The following PCLO variants were observed in gnomAD, a reference collection of about 807,000 sequenced individuals.
PCLO encodes protein piccolo.
Under a neutral mutation model 427.5 loss-of-function variants are expected in PCLO, and 82 were observed. That is an observed-to-expected ratio of 0.19 (90% CI 0.16 to 0.23). The LOEUF is 0.23. Ranked by LOEUF, PCLO falls within the 10% of genes least tolerant of loss-of-function variation. PCLO has a pLI of 1.00. For missense variants in PCLO, 6,239 were observed against 6,115.9 expected (o/e 1.02, Z -0.67); for synonymous variants, 2,357 against 2,155.4 (o/e 1.09, Z -2.59).
intron 12 of PCLO, among the ~76,000 whole-genome samples, 184 bp from the exon 13 acceptor site, chr7:82,845,669 A>G (rs1349106461): frequency 6.6e-6 from 1 of 152,184 alleles, no homozygotes; most frequent in Non-Finnish European, 1.5e-5. Flanking sequence ...CAAGGCTCTG[A>G]GAAGAGTGAC....
intron 10 of PCLO, among the ~76,000 whole-genome samples, chr7:82,861,179 A>G (rs1013756733): frequency 2.0e-5 from 3 of 152,064 alleles, no homozygotes; most frequent in Non-Finnish European, 1.5e-5. Flanking sequence ...GGGTGAATAA[A>G]CAAGACCCAT....
At chr7:83,057,308 TTATATATACATATATATATATA>T (rs1182417682) in intron 3 of PCLO, among the ~76,000 whole-genome samples, 16 of 85,654 alleles carry the variant, frequency 1.9e-4, no homozygotes, top group Non-Finnish European at 1.7e-4. Flanking sequence ...AAAATAATCA[TTATATATACATATATATATATA>T]TATATATATA....
At chr7:82,976,156 C>T (rs1340843864) in intron 3 of PCLO, among the ~76,000 whole-genome samples, 1 of 152,084 alleles carries the variant, frequency 6.6e-6, no homozygotes, top group Non-Finnish European at 1.5e-5. Flanking sequence ...TTAAAGGTTA[C>T]CCATGTTGTC....
intron 10 of PCLO, among the ~76,000 whole-genome samples, chr7:82,855,553 T>C (rs1792781098): frequency 6.6e-6 from 1 of 152,198 alleles, no homozygotes; most frequent in South Asian, 2.1e-4. Flanking sequence ...ATTTTATTAA[T>C]TGCCTACATG....
At position 82,805,776 on chromosome 7, in the gene PCLO, C is replaced by A; in HGVS notation, c.14845G>T (p.Gly4949Cys). 6.2e-7 allele frequency: 1 copy of A among 1,610,280 alleles called. No homozygotes were observed. The highest frequency in any genetic ancestry group is 8.5e-7 in the Non-Finnish European group (1 of 1,178,224). ...AESSVSTGSS[G>C]SSFGSGYSVD... Reference sequence around the variant, plus strand: ...CTATACCCACTGCCAAAGCTGCTGCCCGAGGAGCCGGTGGACACAGAGCTT... The same window carrying A: ...CTATACCCACTGCCAAAGCTGCTGCACGAGGAGCCGGTGGACACAGAGCTT... Residue 4949 changes from glycine (G) to cysteine (C), a missense_variant, in exon 21 of 25, where the codon GGC becomes TGC. Around this residue, in one of 5 missense-constraint regions of PCLO, gnomAD observed 877 missense variants for 925.5 expected, o/e 0.95. Coordinates refer to ENST00000333891, the MANE Select transcript of PCLO (RefSeq NM_033026.6).
chr7:83,079,541 T>A lies in PCLO; in HGVS notation c.3300+54709A>T, dbSNP rs181715560. 1.1e-4 allele frequency among the ~76,000 whole-genome samples: 16 copies of A among 152,216 alleles called. No individual in the cohort carries two copies. The East Asian group carries it at 2.9e-3, about 28-fold the overall frequency. ...AATTTTTCTAAATATTTTGTTTGAA[T>A]ATAAAATAGCTAACTGGTTTCTGGA... On this transcript the variant is annotated intron_variant, in intron 3 of 24. Coordinates refer to ENST00000333891, the MANE Select transcript of PCLO (RefSeq NM_033026.6).
At chr7:82,837,364 AC>A (rs1207770333) in intron 15 of PCLO, among the ~76,000 whole-genome samples, 1 of 152,034 alleles carries the variant, frequency 6.6e-6, no homozygotes, top group African/African-American at 2.4e-5. Context: ...ATATCACTCC[AC>A]AAATTAAAAT....
chr7:82,950,132 T>G lies in PCLO; in HGVS notation c.10456A>C (p.Thr3486Pro). 1.2e-6 allele frequency: 2 copies of G among 1,610,192 alleles called. No homozygotes were observed. Among genetic ancestry groups the G allele is most frequent in the Non-Finnish European group, 8.5e-7 (1 of 1,179,258 alleles). Reference protein sequence around the residue: ...DEDQDEWDMPTRSRRKARVGK... With the variant: ...DEDQDEWDMPPRSRRKARVGK... The stretch of plus-strand genomic sequence containing the variant: ...ACACGAGCTTTCCTCCTTGATCTAG[T>G]AGGCATATCCCACTCATCCTGATCT... The change falls in exon 6 of 25, where the codon ACT (threonine) becomes CCT (proline). Residue 3486 changes from threonine to proline, a missense_variant. By Grantham distance (38) the Thr-to-Pro change is conservative. Coordinates refer to ENST00000333891, the MANE Select transcript of PCLO (RefSeq NM_033026.6).
At chr7:82,774,986 C>A (rs576367775) in intron 22 of PCLO, among the ~76,000 whole-genome samples, 10 of 152,178 alleles carry the variant, frequency 6.6e-5, no homozygotes, top group Admixed American at 5.9e-4. Context: ...ATAGTTGAAA[C>A]GAAGTAGATA....
intron 3 of PCLO, among the ~76,000 whole-genome samples, chr7:82,978,837 C>A (rs1216928361): frequency 4.7e-5 from 5 of 107,464 alleles, no homozygotes; most frequent in Admixed American, 2.1e-4. Context: ...GAACAAGAAA[C>A]ACACACACAC....
chr7:83,102,419 AT>A, intron 3 of PCLO, among the ~76,000 whole-genome samples: 1 of 152,112 alleles, frequency 6.6e-6, no homozygotes, highest in Non-Finnish European at 1.5e-5. Context: ...TTGAATGGTT[AT>A]TATATTTCAT....
chr7:82,966,526 TA>T (rs1795779418), intron 3 of PCLO, 39 bp from the exon 4 acceptor site: 1 of 1,240,894 alleles, frequency 8.1e-7, no homozygotes, highest in African/African-American at 1.5e-5. Context: ...TTGAATGTAT[TA>T]TAATGTATCT....
chr7:83,028,978 A>C (rs1352059348), intron 3 of PCLO, among the ~76,000 whole-genome samples: 1 of 152,130 alleles, frequency 6.6e-6, no homozygotes, highest in Non-Finnish European at 1.5e-5. Flanking sequence ...TAAAGACTTA[A>C]ACGTCAGACC....
chr7:82,824,105 C>G, intron 19 of PCLO, 131 bp downstream of exon 19: 2 of 605,598 alleles, frequency 3.3e-6, no homozygotes, highest in East Asian at 5.6e-5. Context: ...CTTTGCATGA[C>G]ATTATATTAA....
Position 82,951,454 on chromosome 7 carries a change from G to C in PCLO, c.9134C>G (p.Pro3045Arg). ...AATGACTTGTCGTGTTTCTGGATATGGACCTGTAGTCTTGCTTGAATAATC... is the reference window on the plus strand; with the variant it reads ...AATGACTTGTCGTGTTTCTGGATATCGACCTGTAGTCTTGCTTGAATAATC... ...VMDYSSKTTG[P>R]YPETRQVISG... Residue 3045 changes from proline to arginine, a missense_variant, in exon 6 of 25, where the codon CCA becomes CGA. Physicochemically the swap from Pro to Arg is moderately radical, Grantham distance 103. This residue lies in a region of PCLO where 4,677 missense variants were observed against 4,468.4 expected (regional missense o/e 1.05). Coordinates refer to ENST00000333891, the MANE Select transcript of PCLO (RefSeq NM_033026.6). 6.3e-7 allele frequency: 1 copy of C among 1,583,714 alleles called. No individual in the cohort carries two copies. The highest frequency in any genetic ancestry group is 8.6e-7 in the Non-Finnish European group (1 of 1,163,552).
At chr7:83,094,210 C>CTTTT (rs767490139) in intron 3 of PCLO, among the ~76,000 whole-genome samples, 4,028 of 125,834 alleles carry the variant, frequency 0.032, 234 homozygotes, top group African/African-American at 0.068. Context: ...ATTTTTTTTT[C>CTTTT]TTTTTTTTTT....
intron 3 of PCLO, among the ~76,000 whole-genome samples, chr7:82,998,307 T>A (rs1213528583): frequency 3.3e-5 from 5 of 151,958 alleles, no homozygotes; most frequent in Admixed American, 2.6e-4. Context: ...AACCCTCTCA[T>A]GCTTCAGGCA....
At chr7:83,133,930 G>A (rs1262436452) in intron 3 of PCLO, among the ~76,000 whole-genome samples, 1 of 151,702 alleles carries the variant, frequency 6.6e-6, no homozygotes, top group Non-Finnish European at 1.5e-5. Flanking sequence ...CGTGAAAATA[G>A]TCCTCAAAAG....
chr7:82,859,013 T>A (rs1792883687), intron 10 of PCLO, among the ~76,000 whole-genome samples: 1 of 152,282 alleles, frequency 6.6e-6, no homozygotes, highest in African/African-American at 2.4e-5. Flanking sequence ...GGGTGAGGCT[T>A]GGCTCCTCTG....
Sources: gnomAD v4.1 joint callset for allele counts (sites outside exome capture counted in the v4.1 genomes callset) on GRCh38, gnomAD v4.1.1 for gene constraint, gnomAD v4.1.1 regional missense constraint, MANE v1.5 for transcripts, NCBI Gene and HGNC (gene_info 2026-07-23, HGNC 2026-07-21) for gene names.